PGBD2: variants seen among roughly 807,000 people sequenced by gnomAD.
PGBD2 encodes the protein piggyBac transposable element-derived protein 2.
PGBD2 carries 6 observed loss-of-function variants against 8.1 expected under a neutral mutation model. That is an observed-to-expected ratio of 0.74 (90% CI 0.40 to 1.46). The LOEUF (loss-of-function observed/expected upper bound fraction) is 1.46, where lower values mean the gene tolerates loss of function less well. Ranked by LOEUF, PGBD2 falls within the 40% of genes most tolerant of loss-of-function variation. The probability of loss-of-function intolerance (pLI) is 0.02; values close to 1 mark genes in which losing one functional copy is unlikely to be tolerated. For synonymous variants in PGBD2, 318 were observed against 272.2 expected (o/e 1.17, Z -1.66); for missense variants, 802 against 739.0 (o/e 1.09, Z -0.99).
chr1:248,892,130 T>C, the PGBD2 span, among the ~76,000 whole-genome samples: 1 of 152,218 alleles, frequency 6.6e-6, no homozygotes. Context: ...GATTTGAGAT[T>C]GCTTATATAG....
chr1:248,917,065 A>G lies in PGBD2; in HGVS notation c.481A>G (p.Thr161Ala). 6.2e-7 allele frequency: 1 copy of G among 1,613,780 alleles called. No homozygotes were observed. The highest frequency in any genetic ancestry group is 8.5e-7 in the Non-Finnish European group (1 of 1,179,952). ...AACAATTAATTTCATTGTTAATGAA[A>G]CCAATCGTTATGCTTGGCAGAAAAA... The part of the protein sequence containing the change: ...EGTINFIVNE[T>A]NRYAWQKNVN... The change falls in exon 3 of 3, where the codon ACC becomes GCC. Residue 161 changes from threonine (T) to alanine (A), a missense_variant. Transcript: ENST00000329291.
chr1:248,899,778 C>A, the PGBD2 span, among the ~76,000 whole-genome samples: 2 of 143,068 alleles, frequency 1.4e-5, no homozygotes, highest in African/African-American at 2.6e-5. Context: ...TCAGCAAATT[C>A]AGGAGCTGTT....
chr1:248,889,944 T>G, the PGBD2 span, among the ~76,000 whole-genome samples: 23 of 148,898 alleles, frequency 1.5e-4, no homozygotes, highest in East Asian at 2.0e-4. Flanking sequence ...TTTTTTTTTT[T>G]GAGACGGAGT....
In PGBD2 at chr1:248,909,065, G is replaced by A. The variant is rs111629688; in HGVS notation, c.-48+2723G>A. 5.0e-3 allele frequency among the ~76,000 whole-genome samples: 766 copies of A among 152,226 alleles called. 4 individuals are homozygous for A. Among genetic ancestry groups the A allele is most frequent in the African/African-American group, 0.017 (698 of 41,534 alleles). On this transcript the variant is annotated intron_variant, in intron 1 of 2. Coordinates refer to ENST00000329291, the MANE Select transcript of PGBD2 (RefSeq NM_170725.3). ...TAGATACTTCAGATGTTTGCCAAACGAATGAAAAAGTGATAGTGTGGCTGC... is the reference window on the plus strand; with the variant it reads ...TAGATACTTCAGATGTTTGCCAAACAAATGAAAAAGTGATAGTGTGGCTGC...
the PGBD2 span, among the ~76,000 whole-genome samples, chr1:248,926,338 T>C: frequency 3.9e-5 from 6 of 152,200 alleles, no homozygotes; most frequent in African/African-American, 1.4e-4. Context: ...TATTACATAA[T>C]GTAAAGGCTA....
chr1:248,883,584 C>CTTTTTTT, the PGBD2 span, among the ~76,000 whole-genome samples: 23 of 89,144 alleles, frequency 2.6e-4, no homozygotes, highest in African/African-American at 5.6e-4. Flanking sequence ...TTTTTTTTTT[C>CTTTTTTT]TTTTTTTTTT....
Position 248,917,948 on chromosome 1 carries a change from T to C in PGBD2, c.1364T>C (p.Leu455Pro). ...GTCCACCAGCCATCACTGGTGAAGCTGTATCAGGAGAAGGTGGGTGGCGTT... is the reference window on the plus strand; with the variant it reads ...GTCCACCAGCCATCACTGGTGAAGCCGTATCAGGAGAAGGTGGGTGGCGTT... ...TQVHQPSLVK[L>P]YQEKVGGVGR... Residue 455 changes from leucine (L) to proline (P), a missense_variant, in exon 3 of 3, where the codon CTG becomes CCG. By Grantham distance (98) the Leu-to-Pro change is moderately conservative. Transcript: ENST00000329291. 6.2e-7 allele frequency: 1 copy of C among 1,614,190 alleles called. No individual in the cohort carries two copies. The highest frequency in any genetic ancestry group is 8.5e-7 in the Non-Finnish European group (1 of 1,180,028).
intron 1 of PGBD2, among the ~76,000 whole-genome samples, chr1:248,910,209 A>T (rs1426021340): frequency 6.6e-6 from 1 of 152,230 alleles, no homozygotes; most frequent in South Asian, 2.1e-4. Flanking sequence ...AGCAAAATGT[A>T]TGGATATTTA....
the PGBD2 span, among the ~76,000 whole-genome samples, chr1:248,873,131 T>C: frequency 6.6e-6 from 1 of 151,714 alleles, no homozygotes; most frequent in East Asian, 1.9e-4. Flanking sequence ...AACGAATGAA[T>C]GCCTGGACGA....
At chr1:248,903,572 C>A (rs1193337808), upstream of PGBD2, among the ~76,000 whole-genome samples, 2 of 152,168 alleles carry the variant, frequency 1.3e-5, no homozygotes, top group Non-Finnish European at 2.9e-5. Context: ...GGAATGCATG[C>A]CACCTCCATA....
At position 248,917,395 on chromosome 1, in the gene PGBD2, T is replaced by A. The variant is rs1424192299; in HGVS notation, c.811T>A (p.Ser271Thr). The change falls in exon 3 of 3, where the codon TCT (serine) becomes ACT (threonine). Residue 271 changes from serine to threonine, a missense_variant. Physicochemically the swap from Ser to Thr is moderately conservative, Grantham distance 58. Coordinates refer to ENST00000329291, the MANE Select transcript of PGBD2 (RefSeq NM_170725.3). ...GGAAGAGTTCTACAGCTTTGGCGAG[T>A]CTATGTGTGAGTACTTTGGGCACCG... ...PLEEFYSFGE[S>T]MCEYFGHRGS... The A allele has an allele frequency of 1.2e-6, 2 of 1,613,608 alleles. No homozygotes were observed. The highest frequency in any genetic ancestry group is 1.7e-6 in the Non-Finnish European group (2 of 1,179,962).
intron 1 of PGBD2, among the ~76,000 whole-genome samples, chr1:248,912,288 C>T (rs1208744781): frequency 6.6e-6 from 1 of 152,142 alleles, no homozygotes; most frequent in African/African-American, 2.4e-5. Context: ...AGGGTCAGGG[C>T]GACTGGTTTT....
chr1:248,914,028 G>A (rs773578750), intron 2 of PGBD2, 149 bp downstream of exon 2: 1 of 764,504 alleles, frequency 1.3e-6, no homozygotes, highest in East Asian at 2.5e-5. Flanking sequence ...GGAGATGGGA[G>A]AAGAATGGGA....
the PGBD2 span, among the ~76,000 whole-genome samples, chr1:248,897,689 T>C: frequency 1.3e-5 from 2 of 152,180 alleles, no homozygotes; most frequent in African/African-American, 2.4e-5. Context: ...GATCTGTCTG[T>C]TCCTGTAGGA....
rs765643435 is a variant in PGBD2 at position 248,917,938 on chromosome 1, C to T, written c.1354C>T (p.Leu452=). 2 of 1,614,072 alleles carry T rather than the reference C, an allele frequency of 1.2e-6. No homozygotes were observed. The highest frequency in any genetic ancestry group is 2.2e-5 in the East Asian group (1 of 44,894). Residue 452 remains leucine (L), a synonymous_variant, in exon 3 of 3, where the codon CTG becomes TTG. Transcript: ENST00000329291. ...KTRTQVHQPS[L]VKLYQEKVGG... ...GCGGACTCAGGTCCACCAGCCATCA[C>T]TGGTGAAGCTGTATCAGGAGAAGGT...
At chr1:248,920,612 A>C (rs959107745), downstream of PGBD2, among the ~76,000 whole-genome samples, 3 of 152,178 alleles carry the variant, frequency 2.0e-5, no homozygotes, top group Non-Finnish European at 4.4e-5. Context: ...ATATGTGTGC[A>C]TGTGTCTTTG....
intron 1 of PGBD2, among the ~76,000 whole-genome samples, chr1:248,909,246 G>A (rs1661777965): frequency 6.6e-6 from 1 of 152,152 alleles, no homozygotes; most frequent in Non-Finnish European, 1.5e-5. Context: ...GGGGAGCACA[G>A]TCTACAGACT....
At chr1:248,906,839 C>T (rs544581480) in intron 1 of PGBD2, among the ~76,000 whole-genome samples, 2 of 152,222 alleles carry the variant, frequency 1.3e-5, no homozygotes, top group South Asian at 2.1e-4. Flanking sequence ...GTTTGCCCTT[C>T]TTTCTCTTTT....
chr1:248,914,490 C>A, intron 2 of PGBD2: 11 of 1,288,800 alleles, frequency 8.5e-6, no homozygotes, highest in Non-Finnish European at 1.1e-5. Context: ...TGGCAGCTGA[C>A]AGTCAGTCTC....
Sources: allele counts gnomAD v4.1 joint callset (sites outside exome capture counted in the v4.1 genomes callset), GRCh38; gene constraint gnomAD v4.1.1; transcripts MANE v1.5; gene names NCBI Gene and HGNC (gene_info 2026-07-23, HGNC 2026-07-21).